The following RIN2 variants were observed in gnomAD, a reference collection of about 807,000 sequenced individuals.
RIN2 encodes the protein RAB5 interacting protein 2.
A neutral mutation model predicts 78.0 loss-of-function variants in RIN2; 36 were observed. The ratio of observed to expected loss-of-function variants is 0.46; its 90% CI spans 0.35 to 0.61. The LOEUF (loss-of-function observed/expected upper bound fraction) is 0.61. RIN2 is among the 20% of genes least tolerant of loss of function. The pLI is 0.00. For synonymous variants in RIN2, 466 were observed against 466.8 expected, an observed-to-expected ratio of 1.00 and a Z score of 0.02; for missense variants, 1,087 against 1,159.7, an observed-to-expected ratio of 0.94 and a Z score of 0.91.
chr20:19,959,639 G>T (rs1245309410), intron 5 of RIN2, among the ~76,000 whole-genome samples: 1 of 152,146 alleles, frequency 6.6e-6, no homozygotes, highest in East Asian at 1.9e-4. Flanking sequence ...AGATTAGGCA[G>T]GGAAAAAATG....
chr20:19,936,263 AGCACACCCAGC>A (rs2040639622), intron 4 of RIN2, among the ~76,000 whole-genome samples: 1 of 152,182 alleles, frequency 6.6e-6, no homozygotes, highest in Non-Finnish European at 1.5e-5. Flanking sequence ...TGCTCCTTGC[AGCACACCCAGC>A]ATTCTATGAT....
chr20:19,858,628 G>T (rs1037092476), intron 2 of RIN2, among the ~76,000 whole-genome samples: 3 of 152,144 alleles, frequency 2.0e-5, no homozygotes, highest in African/African-American at 7.2e-5. Flanking sequence ...CCTTCTAAGT[G>T]CTCAAAAACC....
Position 19,912,567 on chromosome 20 carries a change from C to T in RIN2, c.58-22532C>T, listed in dbSNP as rs561666228. 9.9e-5 allele frequency among the ~76,000 whole-genome samples: 15 copies of T among 151,594 alleles called. No homozygotes were observed. In the East Asian group the frequency reaches 2.9e-3, roughly 30 times the overall value. ...GATTTCGGCTCACTGCAACTTCCGC[C>T]TCCGGAGTTCAAACGATTCCACTGT... is the stretch of plus-strand genomic sequence containing the variant. On this transcript the variant is annotated intron_variant, in intron 3 of 12. Transcript: ENST00000255006.
At chr20:19,797,766 C>G (rs570640286) in intron 1 of RIN2, among the ~76,000 whole-genome samples, 5 of 152,016 alleles carry the variant, frequency 3.3e-5, no homozygotes, top group South Asian at 2.1e-4. Context: ...ATGATGATCA[C>G]TAACATTGAC....
At chr20:19,912,475 CTTTTTT>C (rs545323465) in intron 3 of RIN2, among the ~76,000 whole-genome samples, 22 of 110,938 alleles carry the variant, frequency 2.0e-4, no homozygotes, top group Non-Finnish European at 3.1e-4. Context: ...TTTTCTTTTT[CTTTTTT>C]TTTTTTTTTT....
At chr20:19,988,079 C>T (rs960553094) in intron 9 of RIN2, among the ~76,000 whole-genome samples, 3 of 152,154 alleles carry the variant, frequency 2.0e-5, no homozygotes, top group South Asian at 2.1e-4. Context: ...TCTGATCCAG[C>T]GTCAGGAATT....
At chr20:19,836,726 T>G (rs2036429342) in intron 2 of RIN2, among the ~76,000 whole-genome samples, 1 of 152,202 alleles carries the variant, frequency 6.6e-6, no homozygotes. Flanking sequence ...GTAGCTGTTA[T>G]GATAGAGGAA....
At chr20:19,858,914 T>G (rs192450932) in intron 2 of RIN2, among the ~76,000 whole-genome samples, 1 of 152,162 alleles carries the variant, frequency 6.6e-6, no homozygotes, top group Non-Finnish European at 1.5e-5. Context: ...GCTCGGGACA[T>G]GCAGGGAGAA....
intron 3 of RIN2, among the ~76,000 whole-genome samples, chr20:19,902,326 C>G (rs563105356): frequency 3.5e-4 from 53 of 152,284 alleles, no homozygotes; most frequent in Non-Finnish European, 5.9e-4. Flanking sequence ...GAGACTCAGG[C>G]AGTCTCTCCT....
chr20:19,985,832 C>G (rs927854291), intron 9 of RIN2, among the ~76,000 whole-genome samples: 1 of 152,204 alleles, frequency 6.6e-6, no homozygotes, highest in Non-Finnish European at 1.5e-5. Context: ...GTTGACATTA[C>G]TCCAAGAACT....
intron 2 of RIN2, among the ~76,000 whole-genome samples, chr20:19,803,180 C>T (rs1032424431): frequency 2.6e-5 from 4 of 152,148 alleles, no homozygotes; most frequent in African/African-American, 7.2e-5. Flanking sequence ...TGTCTATTTT[C>T]CTCGATTCTA....
intron 1 of RIN2, among the ~76,000 whole-genome samples, chr20:19,759,472 A>T (rs769413149): frequency 6.6e-6 from 1 of 152,248 alleles, no homozygotes; most frequent in Non-Finnish European, 1.5e-5. Context: ...TAAGATAAAT[A>T]GTATTTTAAT....
intron 2 of RIN2, among the ~76,000 whole-genome samples, chr20:19,814,675 C>A (rs894649081): frequency 4.6e-5 from 7 of 152,178 alleles, no homozygotes; most frequent in African/African-American, 1.7e-4. Context: ...TCAGACCGCA[C>A]TGGAACTCCT....
chr20:19,810,308 T>C (rs545737513), intron 2 of RIN2, among the ~76,000 whole-genome samples: 16 of 151,160 alleles, frequency 1.1e-4, no homozygotes, highest in African/African-American at 3.7e-4. Context: ...CTTGGGAGGC[T>C]GAGGCATGAG....
intron 8 of RIN2, among the ~76,000 whole-genome samples, chr20:19,972,925 A>G (rs191778380): frequency 3.3e-5 from 5 of 152,360 alleles, no homozygotes; most frequent in Admixed American, 1.3e-4. Context: ...TGTATTTAAT[A>G]TATCCAAAAC....
intron 1 of RIN2, 32 bp downstream of exon 1, chr20:19,758,359 C>G (rs2033465847): frequency 6.6e-6 from 1 of 152,404 alleles, no homozygotes; most frequent in East Asian, 1.9e-4. Context: ...GACCCCACCC[C>G]CTGTGCCCGC....
At position 19,996,750 on chromosome 20, in the gene RIN2, C is replaced by G. The variant is rs957776783; in HGVS notation, c.2272C>G (p.Arg758Gly). 2.5e-6 allele frequency: 4 copies of G among 1,613,612 alleles called. No homozygotes were observed. The African/African-American group carries it at 5.3e-5, about 22-fold the overall frequency. Reference sequence around the variant, plus strand: ...GAATTTCCAAGAAGAACAAGCAGCGCGACTGCTCAGCTCAGAAACCAGAGA... The same window carrying G: ...GAATTTCCAAGAAGAACAAGCAGCGGGACTGCTCAGCTCAGAAACCAGAGA... The part of the protein sequence containing the change: ...IKNFQEEQAA[R>G]LLSSETRDTL... The change falls in exon 12 of 13, where the codon CGA becomes GGA. Residue 758 changes from arginine (R) to glycine (G), a missense_variant. Arg to Gly is a moderately radical substitution (Grantham distance 125). Around this residue, in one of 8 missense-constraint regions of RIN2, gnomAD observed 160 missense variants for 179.4 expected, o/e 0.89. Coordinates refer to ENST00000255006, the MANE Select transcript of RIN2 (RefSeq NM_018993.4).
At chr20:19,826,631 A>G (rs915703807) in intron 2 of RIN2, among the ~76,000 whole-genome samples, 1 of 152,210 alleles carries the variant, frequency 6.6e-6, no homozygotes, top group Non-Finnish European at 1.5e-5. Context: ...ACTGATTTAT[A>G]AGATTTGTCA....
intron 3 of RIN2, among the ~76,000 whole-genome samples, chr20:19,922,974 A>G (rs951400355): frequency 2.0e-5 from 3 of 152,220 alleles, no homozygotes; most frequent in Non-Finnish European, 4.4e-5. Context: ...AACTCTCGGC[A>G]ACCTTGGACG....
Sources: gnomAD v4.1 joint callset for allele counts (sites outside exome capture counted in the v4.1 genomes callset) on GRCh38, gnomAD v4.1.1 for gene constraint, gnomAD v4.1.1 regional missense constraint, MANE v1.5 for transcripts, NCBI Gene and HGNC (gene_info 2026-07-23, HGNC 2026-07-21) for gene names.